The following FHIT variants were observed in gnomAD, a reference collection of about 807,000 sequenced individuals.
FHIT encodes the protein fragile histidine triad diadenosine triphosphatase, also known as bis(5'-adenosyl)-triphosphatase.
A neutral mutation model predicts 17.9 loss-of-function variants in FHIT; 19 were observed. The ratio of observed to expected loss-of-function variants is 1.06; its 90% CI spans 0.74 to 1.56. FHIT has a LOEUF of 1.56. Among genes scored for constraint, FHIT ranks in the 40% most tolerant of loss-of-function variants. The pLI is 0.00. For missense variants in FHIT, 248 were observed against 189.2 expected (o/e 1.31, Z -1.82); for synonymous variants, 81 against 69.7 (o/e 1.16, Z -0.81).
At chr3:60,079,685 G>A (rs1407942705) in intron 5 of FHIT, among the ~76,000 whole-genome samples, 3 of 151,990 alleles carry the variant, frequency 2.0e-5, no homozygotes, top group African/African-American at 7.2e-5. Flanking sequence ...ACGTGGGAAG[G>A]AAATAAATGG....
chr3:59,816,605 A>C (rs1700607808), intron 8 of FHIT, among the ~76,000 whole-genome samples: 1 of 152,088 alleles, frequency 6.6e-6, no homozygotes, highest in Admixed American at 6.5e-5. Flanking sequence ...AGGGAGCAGG[A>C]AAGTGGAGCA....
At chr3:60,192,182 C>T (rs1056987902) in intron 5 of FHIT, among the ~76,000 whole-genome samples, 7 of 145,140 alleles carry the variant, frequency 4.8e-5, no homozygotes, top group Admixed American at 1.4e-4. Context: ...GCCCGGGAGG[C>T]GGAGGTTGCA....
intron 7 of FHIT, among the ~76,000 whole-genome samples, chr3:59,957,201 A>G (rs1707448200): frequency 6.6e-6 from 1 of 152,220 alleles, no homozygotes; most frequent in South Asian, 2.1e-4. Context: ...AGTTAAAGTG[A>G]GACCATCAAG....
intron 8 of FHIT, among the ~76,000 whole-genome samples, chr3:59,897,989 G>A (rs563125539): frequency 4.6e-5 from 7 of 152,076 alleles, no homozygotes; most frequent in South Asian, 4.2e-4. Context: ...GGATGGTCTC[G>A]ATCTCCTGAA....
intron 8 of FHIT, among the ~76,000 whole-genome samples, chr3:59,888,056 G>A (rs1441315490): frequency 6.6e-6 from 1 of 152,198 alleles, no homozygotes; most frequent in Non-Finnish European, 1.5e-5. Context: ...TAAGACGGGT[G>A]TACTTTCTAA....
chr3:60,809,200 T>G lies in FHIT; in HGVS notation c.-18+12719A>C, dbSNP rs375969935. 9.8e-5 allele frequency among the ~76,000 whole-genome samples: 15 copies of G among 152,310 alleles called. No individual in the cohort carries two copies. The East Asian group carries it at 1.7e-3, about 18-fold the overall frequency. On this transcript the variant is annotated intron_variant, in intron 4 of 9. Coordinates refer to ENST00000492590, the MANE Select transcript of FHIT (RefSeq NM_002012.4). ...TAAAATTTCATTTATTGACATATCA[T>G]TAAATATGACATTGTTCAGATTGTG... is the stretch of plus-strand genomic sequence containing the variant.
chr3:60,457,474 A>T (rs2032177451), intron 5 of FHIT, among the ~76,000 whole-genome samples: 1 of 152,008 alleles, frequency 6.6e-6, no homozygotes, highest in African/African-American at 2.4e-5. Flanking sequence ...AAACCATAAA[A>T]ACCCTAGAAG....
intron 5 of FHIT, among the ~76,000 whole-genome samples, chr3:60,364,444 T>C (rs1162058919): frequency 6.6e-6 from 1 of 152,244 alleles, no homozygotes; most frequent in African/African-American, 2.4e-5. Flanking sequence ...ACTGTATACA[T>C]GTGAGACTGG....
chr3:60,187,978 G>C (rs1576277023), intron 5 of FHIT, among the ~76,000 whole-genome samples: 1 of 151,998 alleles, frequency 6.6e-6, no homozygotes, highest in Non-Finnish European at 1.5e-5. Context: ...AATGAAAAAG[G>C]CAAGGTTTAT....
chr3:60,522,565 C>T (rs931930548), intron 5 of FHIT, among the ~76,000 whole-genome samples: 14 of 152,190 alleles, frequency 9.2e-5, no homozygotes, highest in African/African-American at 2.7e-4. Context: ...GAGCTCACTG[C>T]ACCCAGTTCA....
chr3:59,978,946 G>A, intron 7 of FHIT, among the ~76,000 whole-genome samples: 1 of 151,968 alleles, frequency 6.6e-6, no homozygotes, highest in Non-Finnish European at 1.5e-5. Flanking sequence ...GGGGGCAAGG[G>A]TAGTGAAAAG....
At chr3:60,039,996 T>A (rs923415264) in intron 5 of FHIT, among the ~76,000 whole-genome samples, 1 of 152,216 alleles carries the variant, frequency 6.6e-6, no homozygotes, top group African/African-American at 2.4e-5. Context: ...AGGTATGATA[T>A]GGTATGGAAA....
At chr3:60,772,208 A>G (rs1320240946) in intron 4 of FHIT, among the ~76,000 whole-genome samples, 2 of 152,134 alleles carry the variant, frequency 1.3e-5, no homozygotes, top group East Asian at 3.9e-4. Context: ...CATGATGTGC[A>G]CACAGGACTT....
chr3:60,659,804 G>T (rs2040198478), intron 4 of FHIT, among the ~76,000 whole-genome samples: 1 of 151,942 alleles, frequency 6.6e-6, no homozygotes, highest in South Asian at 2.1e-4. Context: ...TCTTTCCTTT[G>T]AATGTGCCAT....
intron 5 of FHIT, among the ~76,000 whole-genome samples, chr3:60,483,030 A>C (rs1000155902): frequency 2.6e-5 from 4 of 152,190 alleles, no homozygotes; most frequent in African/African-American, 9.6e-5. Flanking sequence ...ACAAACTACC[A>C]TAAGTGAATA....
intron 8 of FHIT, among the ~76,000 whole-genome samples, chr3:59,848,068 G>C (rs1701787629): frequency 6.6e-6 from 1 of 152,170 alleles, no homozygotes; most frequent in Admixed American, 6.5e-5. Flanking sequence ...ACGGCAATCA[G>C]TAATCAGAAT....
intron 3 of FHIT, among the ~76,000 whole-genome samples, chr3:61,033,643 C>G: frequency 6.6e-6 from 1 of 152,166 alleles, no homozygotes; most frequent in East Asian, 1.9e-4. Flanking sequence ...GAAGGAAAGA[C>G]TCCAGTATGT....
intron 7 of FHIT, among the ~76,000 whole-genome samples, chr3:60,002,580 C>T (rs1699772152): frequency 6.6e-6 from 1 of 152,170 alleles, no homozygotes; most frequent in African/African-American, 2.4e-5. Context: ...TAGAGTCTCA[C>T]CATCCCAACA....
In FHIT at chr3:61,024,468, T is replaced by G. The variant is rs563718775; in HGVS notation, c.-111+17579A>C. Reference sequence around the variant, plus strand: ...TAAGCTTTAAATTTCCTGCAAAGGCTGAGTTTTATTTCTTAAGGGAAGAGC... The same window carrying G: ...TAAGCTTTAAATTTCCTGCAAAGGCGGAGTTTTATTTCTTAAGGGAAGAGC... On this transcript the variant is annotated intron_variant, in intron 3 of 9. Coordinates refer to ENST00000492590, the MANE Select transcript of FHIT (RefSeq NM_002012.4). Among the ~76,000 whole-genome samples, 7 of 152,302 alleles carry G rather than the reference T, an allele frequency of 4.6e-5. No individual in the cohort carries two copies. The East Asian group carries it at 1.2e-3, about 25-fold the overall frequency.
Sources: allele counts gnomAD v4.1 joint callset (sites outside exome capture counted in the v4.1 genomes callset), GRCh38; gene constraint gnomAD v4.1.1; transcripts MANE v1.5; gene names NCBI Gene and HGNC (gene_info 2026-07-23, HGNC 2026-07-21).